CACNA2D3: variants seen among roughly 807,000 people sequenced by gnomAD.
CACNA2D3 encodes the protein voltage-dependent calcium channel subunit alpha-2/delta-3.
CACNA2D3 carries 60 observed loss-of-function variants against 160.6 expected under a neutral mutation model. The observed-to-expected ratio is 0.37, with a 90% CI of 0.30 to 0.46. The LOEUF (loss-of-function observed/expected upper bound fraction) is 0.46. Ranked by LOEUF, CACNA2D3 falls within the 20% of genes least tolerant of loss-of-function variation. CACNA2D3 has a pLI of 1.00. For missense variants in CACNA2D3, 1,205 were observed against 1,365.0 expected, an observed-to-expected ratio of 0.88 and a Z score of 1.85; for synonymous variants, 558 against 492.9, an observed-to-expected ratio of 1.13 and a Z score of -1.75.
chr3:55,073,287 A>C (rs1559480160), intron 35 of CACNA2D3, among the ~76,000 whole-genome samples, 158 bp from the exon 36 acceptor site: 1 of 152,178 alleles, frequency 6.6e-6, no homozygotes, highest in Non-Finnish European at 1.5e-5. Flanking sequence ...GTAAGTGAAG[A>C]GCCTCATGGA....
chr3:54,844,578 A>C (rs1698892573), intron 16 of CACNA2D3, among the ~76,000 whole-genome samples: 1 of 151,906 alleles, frequency 6.6e-6, no homozygotes, highest in Non-Finnish European at 1.5e-5. Context: ...TCATCTCTCT[A>C]TTCCAACCAC....
At chr3:54,684,127 A>C (rs1024160853) in intron 11 of CACNA2D3, among the ~76,000 whole-genome samples, 1 of 151,694 alleles carries the variant, frequency 6.6e-6, no homozygotes, top group South Asian at 2.1e-4. Flanking sequence ...TGCCCGGCTA[A>C]TTTTTGTATT....
At chr3:55,042,671 A>G (rs941052755) in intron 35 of CACNA2D3, among the ~76,000 whole-genome samples, 3 of 152,192 alleles carry the variant, frequency 2.0e-5, no homozygotes, top group Non-Finnish European at 4.4e-5. Context: ...CTTTTGCCAT[A>G]GACTTCTATG....
intron 35 of CACNA2D3, among the ~76,000 whole-genome samples, chr3:55,037,199 A>C (rs1703839988): frequency 6.6e-6 from 1 of 152,364 alleles, no homozygotes; most frequent in South Asian, 2.1e-4. Context: ...AAGTTATACC[A>C]AAAGTTTCAT....
chr3:54,921,353 C>G (rs1211672477), intron 27 of CACNA2D3, among the ~76,000 whole-genome samples: 1 of 152,098 alleles, frequency 6.6e-6, no homozygotes, highest in Non-Finnish European at 1.5e-5. Context: ...TCTGAGGACT[C>G]AGTTGGATAA....
At chr3:54,232,798 G>A (rs753172055) in intron 2 of CACNA2D3, among the ~76,000 whole-genome samples, 96 of 152,318 alleles carry the variant, frequency 6.3e-4, no homozygotes, top group Non-Finnish European at 1.1e-3. Context: ...TAAATTATGC[G>A]ATTAGAGTAG....
At chr3:54,441,171 T>C (rs1388580018) in intron 4 of CACNA2D3, among the ~76,000 whole-genome samples, 1 of 152,226 alleles carries the variant, frequency 6.6e-6, no homozygotes, top group African/African-American at 2.4e-5. Context: ...TCTTTAATGA[T>C]TGCCATTCTA....
chr3:54,996,860 G>C (rs1048470725), intron 31 of CACNA2D3, among the ~76,000 whole-genome samples: 1 of 152,142 alleles, frequency 6.6e-6, no homozygotes, highest in Non-Finnish European at 1.5e-5. Flanking sequence ...GGATCAGTTC[G>C]TGTCCTTTGC....
chr3:54,480,580 G>T (rs547032611), intron 4 of CACNA2D3, among the ~76,000 whole-genome samples: 1 of 152,204 alleles, frequency 6.6e-6, no homozygotes, highest in African/African-American at 2.4e-5. Context: ...ACAAGTTAAA[G>T]AATATAAAAT....
intron 35 of CACNA2D3, among the ~76,000 whole-genome samples, chr3:55,068,509 T>C (rs1704720560): frequency 6.6e-6 from 1 of 152,222 alleles, no homozygotes; most frequent in Non-Finnish European, 1.5e-5. Flanking sequence ...CTATACCTAA[T>C]ACATCTTATA....
intron 2 of CACNA2D3, among the ~76,000 whole-genome samples, chr3:54,245,411 G>T (rs946031892): frequency 2.0e-4 from 30 of 151,978 alleles, no homozygotes; most frequent in African/African-American, 7.0e-4. Flanking sequence ...TCAAAAGGTG[G>T]CTTTTGCTGA....
chr3:54,319,224 CTG>C (rs1337760349), intron 2 of CACNA2D3, among the ~76,000 whole-genome samples: 1 of 150,260 alleles, frequency 6.7e-6, no homozygotes, highest in Non-Finnish European at 1.5e-5. Context: ...CAAGGAGAAA[CTG>C]AGCCTCCCAA....
intron 14 of CACNA2D3, among the ~76,000 whole-genome samples, chr3:54,832,104 C>G (rs1374038470): frequency 6.6e-6 from 1 of 151,892 alleles, no homozygotes; most frequent in Non-Finnish European, 1.5e-5. Context: ...CTCATCGCCT[C>G]TCTGTGGCAA....
chr3:54,222,350 GTGAAGGCAGGAATAAGCCAATGTCC>G (rs1455628473), intron 2 of CACNA2D3, among the ~76,000 whole-genome samples: 3 of 152,214 alleles, frequency 2.0e-5, no homozygotes, highest in Admixed American at 6.5e-5. Context: ...CAGTTCAAGT[GTGAAGGCAGGAATAAGCCAATGTCC>G]TGAAGGCAGG....
chr3:54,885,582 C>T lies in CACNA2D3; in HGVS notation c.2052C>T (p.Leu684=). The T allele has an allele frequency of 6.2e-7, 1 of 1,610,046 alleles. No homozygotes were observed. The highest frequency in any genetic ancestry group is 8.5e-7 in the Non-Finnish European group (1 of 1,177,192). ...KLYLKGKEPL[L]QCDKELIQEV... The stretch of plus-strand genomic sequence containing the variant: ...ACCTAAAAGGCAAAGAACCTCTGCT[C>T]CAGTGTGAGTATGCTTTCAAAAGTG... Residue 684 remains leucine, a synonymous_variant, in exon 23 of 38, where the codon CTC becomes CTT. Coordinates refer to ENST00000474759, the MANE Select transcript of CACNA2D3 (RefSeq NM_018398.3).
chr3:54,788,892 T>C (rs1046723030), intron 13 of CACNA2D3, among the ~76,000 whole-genome samples: 4 of 152,234 alleles, frequency 2.6e-5, no homozygotes, highest in Admixed American at 2.0e-4. Context: ...ATTTCTAAAA[T>C]ATTTCTCCAG....
chr3:54,787,288 C>T (rs1307282497), intron 13 of CACNA2D3, among the ~76,000 whole-genome samples: 2 of 152,168 alleles, frequency 1.3e-5, no homozygotes, highest in Non-Finnish European at 2.9e-5. Flanking sequence ...AAATTCATTG[C>T]TTCATAAAAT....
At chr3:54,704,175 G>A (rs1249187495) in intron 11 of CACNA2D3, among the ~76,000 whole-genome samples, 1 of 152,154 alleles carries the variant, frequency 6.6e-6, no homozygotes, top group African/African-American at 2.4e-5. Flanking sequence ...AAATGCAGGA[G>A]GGGAAAAATT....
chr3:55,056,432 G>C (rs1704362449), intron 35 of CACNA2D3, among the ~76,000 whole-genome samples: 1 of 152,160 alleles, frequency 6.6e-6, no homozygotes, highest in Non-Finnish European at 1.5e-5. Flanking sequence ...ATTACCGTAA[G>C]TTGTAGCCAT....
Sources: allele counts gnomAD v4.1 joint callset (sites outside exome capture counted in the v4.1 genomes callset), GRCh38; gene constraint gnomAD v4.1.1; transcripts MANE v1.5; gene names NCBI Gene and HGNC (gene_info 2026-07-23, HGNC 2026-07-21).